Variants in KIAA1217 observed in about 807,000 individuals in gnomAD.
KIAA1217 encodes the protein sickle tail protein homolog.
Under a neutral mutation model 163.9 loss-of-function variants are expected in KIAA1217, and 88 were observed. The observed-to-expected ratio is 0.54, with a 90% confidence interval of 0.45 to 0.64. The LOEUF (loss-of-function observed/expected upper bound fraction) is 0.64. Among genes scored for constraint, KIAA1217 ranks in the 30% least tolerant of loss-of-function variants. The pLI is 0.00. For missense variants in KIAA1217, 2,372 were observed against 2,475.0 expected (o/e 0.96, Z 0.88); for synonymous variants, 903 against 923.1 (o/e 0.98, Z 0.39).
At chr10:23,860,500 A>G (rs1052088440) in intron 1 of KIAA1217, among the ~76,000 whole-genome samples, 21 of 152,190 alleles carry the variant, frequency 1.4e-4, no homozygotes, top group Non-Finnish European at 2.2e-4. Flanking sequence ...TGAAATGTTT[A>G]CATGTCAGAA....
chr10:24,191,840 A>C (rs1277198930), intron 2 of KIAA1217, among the ~76,000 whole-genome samples: 2 of 152,000 alleles, frequency 1.3e-5, no homozygotes, highest in African/African-American at 4.8e-5. Context: ...TGCAACCTCC[A>C]CCTCCCAGGT....
chr10:23,873,227 A>G (rs1454618323), intron 1 of KIAA1217, among the ~76,000 whole-genome samples: 1 of 152,118 alleles, frequency 6.6e-6, no homozygotes, highest in Non-Finnish European at 1.5e-5. Context: ...ACTCTTAAAT[A>G]AGAACATTGC....
intron 1 of KIAA1217, among the ~76,000 whole-genome samples, chr10:23,868,183 G>A (rs1840286171): frequency 6.6e-6 from 1 of 152,002 alleles, no homozygotes; most frequent in Non-Finnish European, 1.5e-5. Flanking sequence ...GTTCAGCCCT[G>A]TTTGTCTTTG....
chr10:23,929,757 A>C (rs554675542), intron 1 of KIAA1217, among the ~76,000 whole-genome samples: 98 of 152,348 alleles, frequency 6.4e-4, no homozygotes, highest in African/African-American at 2.2e-3. Context: ...GTAGTGCTGC[A>C]ATAAACGTAT....
intron 5 of KIAA1217, chr10:24,449,377 G>T (rs2061219821): frequency 1.4e-6 from 1 of 729,356 alleles, no homozygotes; most frequent in South Asian, 6.2e-5. Context: ...GAGCCATATT[G>T]TATTTATAAA....
intron 1 of KIAA1217, among the ~76,000 whole-genome samples, chr10:23,859,565 T>C (rs1286123736): frequency 6.6e-6 from 1 of 152,252 alleles, no homozygotes; most frequent in Non-Finnish European, 1.5e-5. Flanking sequence ...CTATCTACAA[T>C]AGTCAGACTA....
chr10:24,239,363 C>G, intron 2 of KIAA1217: 1 of 912,676 alleles, frequency 1.1e-6, no homozygotes, highest in Non-Finnish European at 1.3e-6. Context: ...TTTTTTCTTC[C>G]AAGTTTTTGC....
At position 24,486,023 on chromosome 10, in the gene KIAA1217, G is replaced by A. The variant is rs184028215; in HGVS notation, c.1680-8477G>A. On this transcript the variant is annotated intron_variant, in intron 6 of 20. Transcript: ENST00000376454. Reference sequence around the variant, plus strand: ...TTGATTGCTGTCTCCCCAACCCTGCGTTTGGACACCCAGACCCAGAGAACA... The same window carrying A: ...TTGATTGCTGTCTCCCCAACCCTGCATTTGGACACCCAGACCCAGAGAACA... Among the ~76,000 whole-genome samples, 37 of 152,300 alleles carry A rather than the reference G, an allele frequency of 2.4e-4. No individual in the cohort carries two copies. In the Middle Eastern group the frequency reaches 0.014, roughly 56 times the overall value.
At chr10:24,275,800 C>A in intron 2 of KIAA1217, 1 of 507,864 alleles carries the variant, frequency 2.0e-6, no homozygotes, top group Non-Finnish European at 4.0e-6. Context: ...TGACTTTTAG[C>A]ATCAGTGCAG....
intron 2 of KIAA1217, among the ~76,000 whole-genome samples, chr10:24,030,912 T>G (rs1729144284): frequency 6.6e-6 from 1 of 152,228 alleles, no homozygotes; most frequent in Non-Finnish European, 1.5e-5. Context: ...CCATCTATCA[T>G]TGTTTCTTCA....
intron 2 of KIAA1217, among the ~76,000 whole-genome samples, chr10:24,287,629 T>G (rs2078671078): frequency 6.6e-6 from 1 of 152,228 alleles, no homozygotes; most frequent in Non-Finnish European, 1.5e-5. Context: ...GGAAATGAAT[T>G]TTGTTGAAAT....
chr10:24,332,019 T>C (rs1244623241), intron 2 of KIAA1217, among the ~76,000 whole-genome samples: 1 of 152,202 alleles, frequency 6.6e-6, no homozygotes, highest in Non-Finnish European at 1.5e-5. Flanking sequence ...CAGGCTGGTC[T>C]TGCACTCCTA....
At chr10:24,478,400 A>C (rs2064272427) in intron 6 of KIAA1217, among the ~76,000 whole-genome samples, 1 of 152,210 alleles carries the variant, frequency 6.6e-6, no homozygotes, top group Non-Finnish European at 1.5e-5. Flanking sequence ...TTCAATGAGC[A>C]TCTAGTAATA....
chr10:24,495,447 C>A (rs1260913621), intron 8 of KIAA1217, among the ~76,000 whole-genome samples: 2 of 152,198 alleles, frequency 1.3e-5, no homozygotes, highest in African/African-American at 4.8e-5. Flanking sequence ...CGGTGGTCAT[C>A]TTGCAGACAC....
intron 1 of KIAA1217, among the ~76,000 whole-genome samples, chr10:23,949,173 G>A (rs1357474314): frequency 6.6e-6 from 1 of 152,126 alleles, no homozygotes; most frequent in Admixed American, 6.6e-5. Context: ...CAATACATTT[G>A]TTGAAAATTA....
At chr10:24,381,578 T>C (rs570357416) in intron 3 of KIAA1217, among the ~76,000 whole-genome samples, 15 of 152,310 alleles carry the variant, frequency 9.8e-5, no homozygotes, top group African/African-American at 1.4e-4. Context: ...ATCTAACTAA[T>C]GCCTGATGAT....
At chr10:24,400,596 A>G (rs1039840611) in intron 3 of KIAA1217, among the ~76,000 whole-genome samples, 12 of 152,206 alleles carry the variant, frequency 7.9e-5, no homozygotes, top group Admixed American at 5.2e-4. Context: ...CAATCCAACA[A>G]TGGACCTGGA....
intron 1 of KIAA1217, among the ~76,000 whole-genome samples, chr10:23,853,754 T>C (rs1271705057): frequency 1.3e-5 from 2 of 152,206 alleles, no homozygotes; most frequent in Non-Finnish European, 2.9e-5. Context: ...AGGGTGTGTG[T>C]GTCGAGGAAT....
intron 13 of KIAA1217, among the ~76,000 whole-genome samples, chr10:24,526,847 A>G (rs1387222184): frequency 3.3e-5 from 5 of 152,204 alleles, no homozygotes; most frequent in African/African-American, 1.2e-4. Context: ...GAAAAAATAA[A>G]GGAGGGTTAG....
Sources: gnomAD v4.1 joint callset for allele counts (sites outside exome capture counted in the v4.1 genomes callset) on GRCh38, gnomAD v4.1.1 for gene constraint, MANE v1.5 for transcripts, NCBI Gene and HGNC (gene_info 2026-07-23, HGNC 2026-07-21) for gene names.